Variants in FGF13 observed in about 807,000 individuals in gnomAD.
The protein encoded by FGF13 is fibroblast growth factor 13, also known as fibroblast growth factor homologous factor 2.
Under a neutral mutation model 19.5 loss-of-function variants are expected in FGF13, and 2 were observed. That is an observed-to-expected ratio of 0.10 (90% confidence interval 0.04 to 0.32). The LOEUF is 0.32. FGF13 is among the 10% of genes least tolerant of loss of function. FGF13 has a pLI of 1.00. For missense variants in FGF13, 113 were observed against 192.7 expected, an observed-to-expected ratio of 0.59 and a Z score of 2.45; for synonymous variants, 72 against 76.9, an observed-to-expected ratio of 0.94 and a Z score of 0.33.
At chrX:138,660,626 CTT>C (rs1293008576) in intron 3 of FGF13, among the ~76,000 whole-genome samples, 2 of 110,953 alleles carry the variant, frequency 1.8e-5, no homozygotes, top group Non-Finnish European at 3.8e-5. Flanking sequence ...CAGTTATACT[CTT>C]TTAGTTATTT....
At chrX:138,863,731 T>C (rs904451214) in intron 2 of FGF13, among the ~76,000 whole-genome samples, 1 of 111,420 alleles carries the variant, frequency 9.0e-6, no homozygotes, top group African/African-American at 3.3e-5. Flanking sequence ...ACAAAGTAAA[T>C]GGTATCTGCA....
intron 3 of FGF13, among the ~76,000 whole-genome samples, chrX:138,692,696 TTATATGTGTGTGTGCATGTG>T (rs2089851292): frequency 9.1e-6 from 1 of 109,645 alleles, no homozygotes; most frequent in African/African-American, 3.3e-5. Flanking sequence ...TTTGTCTTTC[TTATATGTGTGTGTGCATGTG>T]TGTATGTGTG....
At chrX:138,836,326 G>A (rs963328885) in intron 3 of FGF13, among the ~76,000 whole-genome samples, 2 of 111,640 alleles carry the variant, frequency 1.8e-5, no homozygotes, top group Non-Finnish European at 3.8e-5. Flanking sequence ...TACATCAATC[G>A]GTTGCAGATT....
intron 1 of FGF13, among the ~76,000 whole-genome samples, chrX:139,168,665 G>A (rs1247247718): frequency 1.8e-5 from 2 of 112,091 alleles, no homozygotes; most frequent in Non-Finnish European, 3.8e-5. Flanking sequence ...CAAGAAGGAA[G>A]GGAATATCAG....
At chrX:138,821,342 TA>T (rs2090998434) in intron 3 of FGF13, among the ~76,000 whole-genome samples, 1 of 112,163 alleles carries the variant, frequency 8.9e-6, no homozygotes, top group African/African-American at 3.2e-5. Context: ...AAAATTTTAA[TA>T]AACTTTTATT....
chrX:139,151,571 T>G (rs1466767713), intron 1 of FGF13, among the ~76,000 whole-genome samples: 1 of 112,145 alleles, frequency 8.9e-6, no homozygotes, highest in Non-Finnish European at 1.9e-5. Flanking sequence ...TTCAGTAAAA[T>G]TTTTTAAGAA....
intron 1 of FGF13, among the ~76,000 whole-genome samples, chrX:138,922,062 T>C (rs1384817795): frequency 9.2e-6 from 1 of 108,891 alleles, no homozygotes; most frequent in African/African-American, 3.3e-5. Context: ...GCTTAAGGTG[T>C]CAATAGCTGA....
rs141625443 is a variant in FGF13, at chrX:138,880,575, A to G, written c.-112-15925T>C. Among the ~76,000 whole-genome samples, 962 of 111,511 alleles carry G rather than the reference A, an allele frequency of 8.6e-3. 12 individuals carry two copies. The highest frequency in any genetic ancestry group is 0.029 in the African/African-American group (894 of 30,726). On this transcript the variant is annotated intron_variant, in intron 1 of 2. Transcript: ENST00000421460. ...AAACCATCATTCTCAGCAAACTAAC[A>G]CAAGAACAGAAAACCAAACACTAGA...
chrX:138,779,329 A>C (rs1247075351), intron 3 of FGF13, among the ~76,000 whole-genome samples: 1 of 112,267 alleles, frequency 8.9e-6, no homozygotes, highest in Non-Finnish European at 1.9e-5. Flanking sequence ...GACTTTGACG[A>C]GCTGAGAGAA....
chrX:138,663,351 A>C (rs1432589512), intron 3 of FGF13, among the ~76,000 whole-genome samples: 2 of 111,748 alleles, frequency 1.8e-5, no homozygotes, highest in African/African-American at 3.2e-5. Context: ...AGAAATCACT[A>C]ATCAATCTTG....
chrX:138,680,948 G>A (rs1043602862), intron 3 of FGF13, among the ~76,000 whole-genome samples: 2 of 110,506 alleles, frequency 1.8e-5, no homozygotes, highest in Non-Finnish European at 3.8e-5. Context: ...GAAGCAGGCA[G>A]ATCACTTAAA....
chrX:138,866,118 T>C (rs945086057), intron 1 of FGF13, among the ~76,000 whole-genome samples: 5 of 112,755 alleles, frequency 4.4e-5, no homozygotes, highest in African/African-American at 1.3e-4. Flanking sequence ...TTTCCAGAAA[T>C]TGTTTCCTTG....
intron 1 of FGF13, among the ~76,000 whole-genome samples, chrX:138,975,227 C>T (rs1040780325): frequency 8.9e-6 from 1 of 112,879 alleles, no homozygotes; most frequent in African/African-American, 3.2e-5. Flanking sequence ...TTGAGTTTCA[C>T]AGCAAGCCTG....
chrX:138,655,360 T>C (rs916318466), intron 3 of FGF13, among the ~76,000 whole-genome samples: 1 of 112,168 alleles, frequency 8.9e-6, no homozygotes, highest in Non-Finnish European at 1.9e-5. Context: ...TGTGGATTAT[T>C]GTTGAGTGAA....
At chrX:139,042,479 A>T (rs749262280) in intron 1 of FGF13, among the ~76,000 whole-genome samples, 2 of 112,208 alleles carry the variant, frequency 1.8e-5, no homozygotes, top group African/African-American at 6.5e-5. Flanking sequence ...CATGTTTTAC[A>T]TGATGATGGT....
At chrX:138,814,671 G>T (rs1346003135) in intron 3 of FGF13, among the ~76,000 whole-genome samples, 1 of 111,276 alleles carries the variant, frequency 9.0e-6, no homozygotes, top group Non-Finnish European at 1.9e-5. Context: ...ATACCTCTTA[G>T]AATGACTATT....
At chrX:138,922,100 ATCTC>A (rs1372702011) in intron 1 of FGF13, among the ~76,000 whole-genome samples, 9 of 110,056 alleles carry the variant, frequency 8.2e-5, no homozygotes, top group Non-Finnish European at 1.7e-4. Flanking sequence ...CTCCAAATAA[ATCTC>A]TCTAAGAAAT....
intron 3 of FGF13, among the ~76,000 whole-genome samples, chrX:138,764,163 A>G (rs1390935457): frequency 8.9e-6 from 1 of 112,043 alleles, no homozygotes; most frequent in African/African-American, 3.2e-5. Flanking sequence ...CCAGCATCTC[A>G]GGAACAAACT....
intron 1 of FGF13, among the ~76,000 whole-genome samples, chrX:138,989,809 A>G (rs765704719): frequency 6.8e-4 from 76 of 111,171 alleles, no homozygotes; most frequent in South Asian, 2.3e-3. Flanking sequence ...CCAGAGTTAT[A>G]AAACTACTTC....
Sources: allele counts gnomAD v4.1 joint callset (sites outside exome capture counted in the v4.1 genomes callset), GRCh38; gene constraint gnomAD v4.1.1; transcripts MANE v1.5; gene names NCBI Gene and HGNC (gene_info 2026-07-23, HGNC 2026-07-21).